Variants in CSMD3 observed in about 807,000 individuals in gnomAD.
The protein encoded by CSMD3 is CUB and Sushi multiple domains 3.
A neutral mutation model predicts 435.2 loss-of-function variants in CSMD3; 177 were observed. The observed-to-expected ratio is 0.41, with a 90% CI of 0.36 to 0.46. The LOEUF (loss-of-function observed/expected upper bound fraction) is 0.46, where lower values mean the gene tolerates loss of function less well. Ranked by LOEUF, CSMD3 falls within the 20% of genes least tolerant of loss-of-function variation. The pLI is 0.34. For synonymous variants in CSMD3, 1,656 were observed against 1,520.5 expected (o/e 1.09, Z -2.07); for missense variants, 4,265 against 4,504.6 (o/e 0.95, Z 1.52).
chr8:113,092,544 A>G (rs912847508), intron 5 of CSMD3, among the ~76,000 whole-genome samples: 4 of 152,124 alleles, frequency 2.6e-5, no homozygotes, highest in African/African-American at 9.7e-5. Context: ...ATTTTGGCCA[A>G]TGGGATATAA....
At chr8:113,024,290 G>T (rs796872471) in intron 5 of CSMD3, among the ~76,000 whole-genome samples, 54 of 488 alleles carry the variant, frequency 0.11, 1 homozygote, top group East Asian at 0.33. Context: ...ACTGAGTATT[G>T]TGTGTGTGTG....
At chr8:112,860,016 G>T (rs1201131285) in intron 10 of CSMD3, among the ~76,000 whole-genome samples, 1 of 151,694 alleles carries the variant, frequency 6.6e-6, no homozygotes, top group Non-Finnish European at 1.5e-5. Context: ...ATATTTAAAT[G>T]ATGAACAGTT....
chr8:112,402,677 G>C (rs138503457), intron 35 of CSMD3, among the ~76,000 whole-genome samples: 49 of 152,150 alleles, frequency 3.2e-4, no homozygotes, highest in African/African-American at 1.2e-3. Context: ...AATTACTGGG[G>C]AAAGTGAGGC....
chr8:112,239,752 C>G (rs1372128610), intron 66 of CSMD3, among the ~76,000 whole-genome samples: 1 of 152,018 alleles, frequency 6.6e-6, no homozygotes. Context: ...TTAATCTACT[C>G]TCTATGTAGT....
chr8:112,323,920 A>G (rs1263086669), intron 45 of CSMD3, among the ~76,000 whole-genome samples: 1 of 152,086 alleles, frequency 6.6e-6, no homozygotes, highest in Non-Finnish European at 1.5e-5. Flanking sequence ...AGGGACACTA[A>G]ATTTCATAGT....
rs150328102 is a variant in CSMD3 at position 112,311,592 on chromosome 8, T to C, written c.7697-426A>G. 3.0e-3 allele frequency among the ~76,000 whole-genome samples: 451 copies of C among 152,306 alleles called. 4 individuals are homozygous for C. The highest frequency in any genetic ancestry group is 6.6e-3 in the Admixed American group (101 of 15,288). ...AAGTTATATCCAGACACCTCTACCATGTTAGGTCATACATTTCATTTTGGT... is the reference window on the plus strand; with the variant it reads ...AAGTTATATCCAGACACCTCTACCACGTTAGGTCATACATTTCATTTTGGT... On this transcript the variant is annotated intron_variant, in intron 49 of 70. Coordinates refer to ENST00000297405, the MANE Select transcript of CSMD3 (RefSeq NM_198123.2).
chr8:113,065,756 T>C (rs945122847), intron 5 of CSMD3, among the ~76,000 whole-genome samples: 2 of 152,180 alleles, frequency 1.3e-5, no homozygotes, highest in Non-Finnish European at 2.9e-5. Flanking sequence ...CCCTCCATTA[T>C]GATGTCAGTG....
At chr8:112,628,704 T>C (rs1185989944) in intron 22 of CSMD3, among the ~76,000 whole-genome samples, 1 of 152,212 alleles carries the variant, frequency 6.6e-6, no homozygotes, top group Middle Eastern at 3.4e-3. Flanking sequence ...AACACTGTTG[T>C]AGATAAAAAG....
chr8:113,388,275 TA>T (rs2094447696), intron 1 of CSMD3, among the ~76,000 whole-genome samples: 1 of 151,400 alleles, frequency 6.6e-6, no homozygotes, highest in South Asian at 2.1e-4. Flanking sequence ...CAGCATGAAG[TA>T]AAAAGTGGCA....
intron 2 of CSMD3, chr8:113,309,970 A>G (rs1189157546): frequency 1.3e-5 from 2 of 152,212 alleles, no homozygotes; most frequent in Admixed American, 6.6e-5. Flanking sequence ...GAACTGTATA[A>G]TAACAAACTT....
intron 5 of CSMD3, among the ~76,000 whole-genome samples, chr8:113,060,631 T>C (rs1402819323): frequency 6.6e-6 from 1 of 152,162 alleles, no homozygotes; most frequent in African/African-American, 2.4e-5. Context: ...ATGGTATTCA[T>C]GTATTTAATA....
intron 13 of CSMD3, among the ~76,000 whole-genome samples, chr8:112,785,481 C>T (rs993169732): frequency 6.6e-6 from 1 of 152,024 alleles, no homozygotes; most frequent in Non-Finnish European, 1.5e-5. Context: ...TCTTCATTTA[C>T]ATGCAATATA....
chr8:112,446,994 T>C (rs766428636), intron 32 of CSMD3, among the ~76,000 whole-genome samples: 1 of 152,208 alleles, frequency 6.6e-6, no homozygotes, highest in Non-Finnish European at 1.5e-5. Context: ...TCATAGTTAT[T>C]GTAATTAGAT....
intron 1 of CSMD3, among the ~76,000 whole-genome samples, chr8:113,409,592 G>C (rs983617851): frequency 2.6e-5 from 4 of 152,258 alleles, no homozygotes; most frequent in Middle Eastern, 6.8e-3. Flanking sequence ...ATCAAGGAAT[G>C]ATTAAACAGA....
Position 112,540,270 on chromosome 8 carries a change from GAC to G in CSMD3, c.4564+10399_4564+10400del, listed in dbSNP as rs564812885. On this transcript the variant is annotated intron_variant, in intron 27 of 70. Coordinates refer to ENST00000297405, the MANE Select transcript of CSMD3 (RefSeq NM_198123.2). Reference sequence around the variant, plus strand: ...CGCCAGTTAAAATGGCTATCAGAAAGACAGAAAATAACATGCTGAGAAAGATG... The same window carrying G: ...CGCCAGTTAAAATGGCTATCAGAAAGAGAAAATAACATGCTGAGAAAGATG... Among the ~76,000 whole-genome samples the G allele has an allele frequency of 3.6e-3, 545 of 151,852 alleles. 1 individual carries two copies. Among genetic ancestry groups the G allele is most frequent in the African/African-American group, 0.013 (522 of 41,478 alleles).
intron 10 of CSMD3, among the ~76,000 whole-genome samples, chr8:112,861,909 C>T (rs1182729689): frequency 6.6e-6 from 1 of 151,842 alleles, no homozygotes; most frequent in Non-Finnish European, 1.5e-5. Flanking sequence ...GAAGTCAAGG[C>T]CTTGTTTATC....
At chr8:112,703,371 T>C (rs2076431999) in intron 13 of CSMD3, among the ~76,000 whole-genome samples, 1 of 152,158 alleles carries the variant, frequency 6.6e-6, no homozygotes, top group Admixed American at 6.6e-5. Context: ...AATGCTCTCA[T>C]GCAGTGAGTT....
chr8:112,932,989 A>G (rs1638384318), intron 9 of CSMD3, among the ~76,000 whole-genome samples: 1 of 152,184 alleles, frequency 6.6e-6, no homozygotes, highest in Non-Finnish European at 1.5e-5. Context: ...TAAAATATAT[A>G]AAAGTATTTC....
chr8:112,611,631 G>C (rs1209947027), intron 22 of CSMD3, among the ~76,000 whole-genome samples: 1 of 152,078 alleles, frequency 6.6e-6, no homozygotes, highest in Non-Finnish European at 1.5e-5. Context: ...TTAGATGGCT[G>C]TGTCATTCAA....
Sources: gnomAD v4.1 joint callset for allele counts (sites outside exome capture counted in the v4.1 genomes callset) on GRCh38, gnomAD v4.1.1 for gene constraint, MANE v1.5 for transcripts, NCBI Gene and HGNC (gene_info 2026-07-23, HGNC 2026-07-21) for gene names.